IQCJ: variants seen among roughly 807,000 people sequenced by gnomAD.
IQCJ encodes IQ domain-containing protein J.
In IQCJ, 9 loss-of-function variants were observed where a neutral mutation model predicts 11.0. The observed-to-expected ratio is 0.82, with a 90% CI of 0.49 to 1.43. The LOEUF (loss-of-function observed/expected upper bound fraction) is 1.43. Among genes scored for constraint, IQCJ ranks in the 40% most tolerant of loss-of-function variants. The probability of loss-of-function intolerance (pLI) is 0.00; values close to 1 mark genes in which losing one functional copy is unlikely to be tolerated. For missense variants in IQCJ, 146 were observed against 133.2 expected (o/e 1.10, Z -0.47); for synonymous variants, 55 against 51.3 (o/e 1.07, Z -0.31).
At chr3:159,164,821 G>A (rs1722074068) in intron 1 of IQCJ, among the ~76,000 whole-genome samples, 1 of 152,070 alleles carries the variant, frequency 6.6e-6, no homozygotes, top group Non-Finnish European at 1.5e-5. Flanking sequence ...CAAAATAACA[G>A]TGCATTAAAT....
At chr3:159,202,560 T>C (rs1724413281) in intron 1 of IQCJ, among the ~76,000 whole-genome samples, 1 of 152,220 alleles carries the variant, frequency 6.6e-6, no homozygotes, top group Admixed American at 6.5e-5. Flanking sequence ...GGCTGTTCCT[T>C]CATGGTTCCT....
chr3:159,198,699 G>A (rs1325372941), intron 1 of IQCJ, among the ~76,000 whole-genome samples: 1 of 152,136 alleles, frequency 6.6e-6, no homozygotes, highest in African/African-American at 2.4e-5. Context: ...TCTTTTTGCT[G>A]TATTAGACAA....
chr3:159,150,538 G>A (rs986430205), intron 1 of IQCJ, among the ~76,000 whole-genome samples: 3 of 151,526 alleles, frequency 2.0e-5, no homozygotes, highest in South Asian at 2.1e-4. Flanking sequence ...TGAGAGCCAC[G>A]GAGGGTGTGT....
chr3:159,244,592 C>T (rs1727136585), intron 1 of IQCJ, among the ~76,000 whole-genome samples: 1 of 152,062 alleles, frequency 6.6e-6, no homozygotes, highest in Admixed American at 6.6e-5. Flanking sequence ...TTAGTTAGAA[C>T]AACATAATTA....
intron 1 of IQCJ, among the ~76,000 whole-genome samples, chr3:159,083,958 T>A (rs1432448675): frequency 1.3e-5 from 2 of 152,014 alleles, no homozygotes; most frequent in East Asian, 1.9e-4. Flanking sequence ...GAGGGATCCT[T>A]GTGATGGAAC....
intron 1 of IQCJ, among the ~76,000 whole-genome samples, chr3:159,139,328 A>G (rs1720471355): frequency 6.6e-6 from 1 of 152,162 alleles, no homozygotes; most frequent in South Asian, 2.1e-4. Context: ...TTTGAAAACA[A>G]CTTTACTTGG....
chr3:159,083,388 G>T (rs1716468207), intron 1 of IQCJ, among the ~76,000 whole-genome samples: 1 of 152,132 alleles, frequency 6.6e-6, no homozygotes, highest in Non-Finnish European at 1.5e-5. Flanking sequence ...CATTGGTGAA[G>T]TGCAAATTAA....
chr3:159,223,625 A>G (rs906133338), intron 1 of IQCJ, among the ~76,000 whole-genome samples: 5 of 152,156 alleles, frequency 3.3e-5, no homozygotes, highest in African/African-American at 1.2e-4. Flanking sequence ...GAATGCACCC[A>G]TGAGGCATTT....
At chr3:159,142,762 G>A (rs940602601) in intron 1 of IQCJ, among the ~76,000 whole-genome samples, 1 of 152,190 alleles carries the variant, frequency 6.6e-6, no homozygotes, top group African/African-American at 2.4e-5. Flanking sequence ...TTTTTGGAAC[G>A]TAATGCCAAA....
chr3:159,115,473 A>C (rs9834121), intron 1 of IQCJ, among the ~76,000 whole-genome samples: 49,523 of 152,012 alleles, frequency 0.33, 8,121 homozygotes, highest in South Asian at 0.41. Context: ...ACCCAGAAAG[A>C]GTGTAAGTTG....
intron 1 of IQCJ, among the ~76,000 whole-genome samples, chr3:159,217,454 T>A: frequency 6.6e-6 from 1 of 152,266 alleles, no homozygotes; most frequent in Non-Finnish European, 1.5e-5. Flanking sequence ...TTGTAAGACA[T>A]AATTTCTGCC....
intron 2 of IQCJ, among the ~76,000 whole-genome samples, 177 bp downstream of exon 2, chr3:159,246,084 G>C (rs751181370): frequency 5.9e-5 from 9 of 152,172 alleles, no homozygotes; most frequent in Non-Finnish European, 1.0e-4. Context: ...GACTAGTTGA[G>C]CAATGAAAAA....
chr3:159,254,768 T>G lies in IQCJ; in HGVS notation c.155+1961T>G, dbSNP rs76383566. 5.5e-4 allele frequency among the ~76,000 whole-genome samples: 83 copies of G among 151,994 alleles called. No individual in the cohort carries two copies. The East Asian group carries it at 0.015, about 28-fold the overall frequency. The stretch of plus-strand genomic sequence containing the variant: ...ATCAGTGTTACCTCTCCCACCCCCA[T>G]GTACTAAATACCAAGACTGCCCCAG... On this transcript the variant is annotated intron_variant, in intron 3 of 3. Transcript: ENST00000397832.
At chr3:159,160,182 A>G (rs1721755831) in intron 1 of IQCJ, among the ~76,000 whole-genome samples, 1 of 152,196 alleles carries the variant, frequency 6.6e-6, no homozygotes, top group African/African-American at 2.4e-5. Context: ...CAGAGGCAAG[A>G]TATTGGGAGA....
intron 2 of IQCJ, among the ~76,000 whole-genome samples, chr3:159,250,990 A>G (rs990508019): frequency 2.6e-5 from 4 of 152,222 alleles, no homozygotes; most frequent in African/African-American, 9.6e-5. Context: ...CATTCCTGCC[A>G]CACAAGAGAC....
chr3:159,182,511 C>T (rs1047937998), intron 1 of IQCJ, among the ~76,000 whole-genome samples: 2 of 152,012 alleles, frequency 1.3e-5, no homozygotes, highest in Admixed American at 6.5e-5. Flanking sequence ...GGGGCTTATT[C>T]GGCCGGGGGC....
chr3:159,188,130 GC>G (rs974295758), intron 1 of IQCJ, among the ~76,000 whole-genome samples: 1 of 152,174 alleles, frequency 6.6e-6, no homozygotes, highest in Admixed American at 6.5e-5. Context: ...AAATACTTTG[GC>G]CGGGCGCTGT....
intron 1 of IQCJ, among the ~76,000 whole-genome samples, chr3:159,108,006 CAAAAA>C (rs367862873): frequency 7.9e-5 from 8 of 100,944 alleles, no homozygotes; most frequent in Non-Finnish European, 9.2e-5. Context: ...TATGGTTTTC[CAAAAA>C]AAAAAAAAAA....
intron 1 of IQCJ, among the ~76,000 whole-genome samples, chr3:159,237,803 GATTA>G (rs1467100195): frequency 6.6e-6 from 1 of 152,136 alleles, no homozygotes; most frequent in African/African-American, 2.4e-5. Context: ...CTCCTATAAA[GATTA>G]ATTATCAAAC....
Sources: allele counts gnomAD v4.1 joint callset (sites outside exome capture counted in the v4.1 genomes callset), GRCh38; gene constraint gnomAD v4.1.1; transcripts MANE v1.5; gene names NCBI Gene and HGNC (gene_info 2026-07-23, HGNC 2026-07-21).